GPHN: variants seen among roughly 807,000 people sequenced by gnomAD.
GPHN encodes the protein gephyrin.
Under a neutral mutation model 95.5 loss-of-function variants are expected in GPHN, and 17 were observed. That is an observed-to-expected ratio of 0.18 (90% CI 0.12 to 0.27). The LOEUF (loss-of-function observed/expected upper bound fraction) is 0.27. Ranked by LOEUF, GPHN falls within the 10% of genes least tolerant of loss-of-function variation. The pLI is 1.00. For missense variants in GPHN, 660 were observed against 978.1 expected (o/e 0.67, Z 4.34); for synonymous variants, 320 against 322.5 (o/e 0.99, Z 0.08).
chr14:66,953,884 A>T (rs28850894), intron 8 of GPHN, among the ~76,000 whole-genome samples: 24,147 of 152,068 alleles, frequency 0.16, 3,708 homozygotes, highest in East Asian at 0.45. Context: ...AATACAAAAA[A>T]ATTAGCTGGG....
At chr14:67,193,944 CA>C in the GPHN span, among the ~76,000 whole-genome samples, 5 of 33,886 alleles carry the variant, frequency 1.5e-4, no homozygotes, top group South Asian at 3.0e-3. Flanking sequence ...GACCCTGTCT[CA>C]AAAAAAAACA....
chr14:67,392,928 C>G, the GPHN span: 361 of 1,239,834 alleles, frequency 2.9e-4, 1 homozygote, highest in Admixed American at 2.6e-4. Flanking sequence ...CCTCACTGAC[C>G]TTGGCCCTCT....
chr14:67,509,664 C>T, the GPHN span, among the ~76,000 whole-genome samples: 47 of 152,156 alleles, frequency 3.1e-4, no homozygotes, highest in Non-Finnish European at 5.7e-4. Flanking sequence ...CACTTTTACC[C>T]TCTCCCCAAC....
chr14:67,703,630 A>G, the GPHN span, among the ~76,000 whole-genome samples: 2 of 152,184 alleles, frequency 1.3e-5, no homozygotes, highest in African/African-American at 2.4e-5. Flanking sequence ...GTGCACAACA[A>G]TGGGCCATAA....
intron 9 of GPHN, among the ~76,000 whole-genome samples, chr14:66,998,042 A>G (rs2071936881): frequency 6.6e-6 from 1 of 152,154 alleles, no homozygotes. Context: ...CATTGGCATC[A>G]TCTCCAATCA....
chr14:67,138,254 T>A (rs1463581338), intron 17 of GPHN, among the ~76,000 whole-genome samples: 1 of 152,166 alleles, frequency 6.6e-6, no homozygotes, highest in Admixed American at 6.5e-5. Context: ...GGTGTGAAAA[T>A]GTATTTTTTA....
At chr14:66,992,575 T>A (rs546857656) in intron 9 of GPHN, among the ~76,000 whole-genome samples, 2 of 152,322 alleles carry the variant, frequency 1.3e-5, no homozygotes, top group South Asian at 4.1e-4. Context: ...TGTGATTTTA[T>A]AGATCTTTAA....
chr14:67,481,736 C>T, the GPHN span, among the ~76,000 whole-genome samples: 1 of 152,206 alleles, frequency 6.6e-6, no homozygotes, highest in Non-Finnish European at 1.5e-5. Context: ...TATTCCCTGC[C>T]CCGGCCTCCA....
At chr14:67,537,039 CAATAAT>C in the GPHN span, among the ~76,000 whole-genome samples, 1 of 147,222 alleles carries the variant, frequency 6.8e-6, no homozygotes, top group African/African-American at 2.6e-5. Context: ...GACTCCATCT[CAATAAT>C]AATAATAATA....
chr14:67,258,967 C>T, the GPHN span, among the ~76,000 whole-genome samples: 1 of 151,820 alleles, frequency 6.6e-6, no homozygotes, highest in African/African-American at 2.4e-5. Flanking sequence ...CTCACCCTCC[C>T]GAGTAGCTGG....
chr14:67,109,295 T>G (rs1163850550), intron 13 of GPHN, among the ~76,000 whole-genome samples: 2 of 152,168 alleles, frequency 1.3e-5, no homozygotes, highest in Admixed American at 1.3e-4. Context: ...TCTCAGGATT[T>G]TTTCTTAGGG....
chr14:66,745,481 A>G (rs558224578), intron 2 of GPHN, among the ~76,000 whole-genome samples: 52 of 152,164 alleles, frequency 3.4e-4, no homozygotes, highest in African/African-American at 1.2e-3. Context: ...GATTTCTCCA[A>G]TTATCTCAAA....
intron 1 of GPHN, among the ~76,000 whole-genome samples, chr14:66,538,253 C>G (rs1257219231): frequency 6.6e-6 from 1 of 151,166 alleles, no homozygotes; most frequent in African/African-American, 2.4e-5. Flanking sequence ...GTCTTTAGTT[C>G]ATTAATAGTT....
chr14:67,702,800 A>C, the GPHN span, among the ~76,000 whole-genome samples: 1 of 152,048 alleles, frequency 6.6e-6, no homozygotes, highest in South Asian at 2.1e-4. Flanking sequence ...ACAAATAGAG[A>C]TCTTATACCT....
intron 1 of GPHN, among the ~76,000 whole-genome samples, chr14:66,664,055 C>T (rs1054634988): frequency 2.6e-5 from 4 of 152,130 alleles, no homozygotes; most frequent in Non-Finnish European, 5.9e-5. Flanking sequence ...ACCGCACTGA[C>T]AATATTAGAC....
At chr14:67,574,221 C>T in the GPHN span, 11 of 1,569,134 alleles carry the variant, frequency 7.0e-6, 1 homozygote, top group African/African-American at 1.5e-4. This position sits in a 1 kb window ranked among gnomAD's most constrained non-coding sequence, Gnocchi z 4.2. Context: ...CTGCCCCACC[C>T]CCATATCTCG....
chr14:66,961,945 T>TATATATATATATAC (rs1555452362), intron 8 of GPHN, among the ~76,000 whole-genome samples: 12 of 79,090 alleles, frequency 1.5e-4, no homozygotes, highest in Admixed American at 9.4e-4. Flanking sequence ...TATATATATA[T>TATATATATATATAC]ATACACATAT....
chr14:67,322,608 T>C, the GPHN span, among the ~76,000 whole-genome samples: 1 of 152,168 alleles, frequency 6.6e-6, no homozygotes, highest in African/African-American at 2.4e-5. Context: ...AGTGGACAAA[T>C]GCACTTAGGC....
At chr14:67,387,506 G>C in the GPHN span, 1 of 1,573,034 alleles carries the variant, frequency 6.4e-7, no homozygotes, top group African/African-American at 1.4e-5. Context: ...AGCCATGTCT[G>C]CTTTCATCTT....
Sources: gnomAD v4.1 joint callset for allele counts (sites outside exome capture counted in the v4.1 genomes callset) on GRCh38, gnomAD v4.1.1 for gene constraint, Gnocchi (gnomAD v3.1) non-coding constraint, MANE v1.5 for transcripts, NCBI Gene and HGNC (gene_info 2026-07-23, HGNC 2026-07-21) for gene names.